The following CTNNA2 variants were observed in gnomAD, a reference collection of about 807,000 sequenced individuals.
CTNNA2 encodes the protein catenin alpha 2.
Under a neutral mutation model 101.0 loss-of-function variants are expected in CTNNA2, and 42 were observed. The observed-to-expected ratio is 0.42, with a 90% CI of 0.32 to 0.54. The LOEUF is 0.54. Among genes scored for constraint, CTNNA2 ranks in the 20% least tolerant of loss-of-function variants. The probability of loss-of-function intolerance (pLI) is 0.14; values close to 1 mark genes in which losing one functional copy is unlikely to be tolerated. For synonymous variants in CTNNA2, 450 were observed against 456.4 expected, an observed-to-expected ratio of 0.99 and a Z score of 0.18; for missense variants, 871 against 1,223.1, an observed-to-expected ratio of 0.71 and a Z score of 4.29.
At chr2:79,924,006 C>T (rs1686853150) in intron 7 of CTNNA2, among the ~76,000 whole-genome samples, 1 of 152,140 alleles carries the variant, frequency 6.6e-6, no homozygotes, top group Non-Finnish European at 1.5e-5. Context: ...GAAGGCATCT[C>T]TGCACTGCCA....
At chr2:80,583,734 G>A (rs6738107) in intron 14 of CTNNA2, among the ~76,000 whole-genome samples, 55,372 of 151,906 alleles carry the variant, frequency 0.36, 10,273 homozygotes, top group East Asian at 0.57. Flanking sequence ...ATATACTTCT[G>A]TTTCATTGGG....
chr2:79,785,915 A>G (rs952201944), intron 3 of CTNNA2, among the ~76,000 whole-genome samples: 3 of 152,186 alleles, frequency 2.0e-5, no homozygotes, highest in Non-Finnish European at 2.9e-5. Flanking sequence ...TATTGTTTGT[A>G]TGCTCTTCAC....
chr2:79,550,314 G>A (rs576239727), intron 1 of CTNNA2, among the ~76,000 whole-genome samples: 22 of 152,270 alleles, frequency 1.4e-4, no homozygotes, highest in African/African-American at 5.1e-4. Context: ...AGCAGTCACT[G>A]GATGCTGTGT....
intron 7 of CTNNA2, among the ~76,000 whole-genome samples, chr2:79,996,652 G>A (rs1447451968): frequency 6.6e-6 from 1 of 152,162 alleles, no homozygotes; most frequent in Admixed American, 6.5e-5. Context: ...CACTTAGCCA[G>A]AATTGAGCCC....
At chr2:79,443,329 C>T (rs932294771) in intron 4 of CTNNA2, among the ~76,000 whole-genome samples, 1 of 152,084 alleles carries the variant, frequency 6.6e-6, no homozygotes, top group African/African-American at 2.4e-5. Flanking sequence ...ACCAGCAGAA[C>T]TGATGTCCAA....
intron 3 of CTNNA2, among the ~76,000 whole-genome samples, chr2:79,355,627 C>T (rs1034815621): frequency 5.3e-5 from 8 of 152,188 alleles, no homozygotes; most frequent in African/African-American, 1.9e-4. Flanking sequence ...CTCTTGGTAT[C>T]CTCTAATCTG....
chr2:80,322,554 G>C (rs1019696418), intron 7 of CTNNA2, among the ~76,000 whole-genome samples: 2 of 151,560 alleles, frequency 1.3e-5, no homozygotes, highest in East Asian at 3.9e-4. Flanking sequence ...TTGCAGCTCC[G>C]GGACGGCGCG....
chr2:80,542,702 T>C (rs1298362447), intron 9 of CTNNA2, among the ~76,000 whole-genome samples: 1 of 152,114 alleles, frequency 6.6e-6, no homozygotes, highest in Non-Finnish European at 1.5e-5. Flanking sequence ...CTCAAGTCTT[T>C]TGCACAGCAA....
intron 7 of CTNNA2, among the ~76,000 whole-genome samples, chr2:80,376,771 C>G (rs1001433628): frequency 6.6e-6 from 1 of 152,200 alleles, no homozygotes; most frequent in Non-Finnish European, 1.5e-5. Context: ...CCTGCTGCAT[C>G]TGGCTTTCTA....
intron 7 of CTNNA2, among the ~76,000 whole-genome samples, chr2:79,975,711 C>T (rs1276957724): frequency 6.6e-6 from 1 of 152,186 alleles, no homozygotes; most frequent in Non-Finnish European, 1.5e-5. Flanking sequence ...AAGGATATTA[C>T]AAAAGATACA....
intron 2 of CTNNA2, among the ~76,000 whole-genome samples, chr2:79,701,515 G>A (rs1179134043): frequency 6.6e-6 from 1 of 152,106 alleles, no homozygotes; most frequent in Non-Finnish European, 1.5e-5. Context: ...CTAGACACAG[G>A]AGATCTACTG....
chr2:80,338,422 A>G, intron 7 of CTNNA2, among the ~76,000 whole-genome samples: 1 of 151,882 alleles, frequency 6.6e-6, no homozygotes, highest in Non-Finnish European at 1.5e-5. Context: ...AAAACAGAAC[A>G]TTTCAGTAAC....
intron 3 of CTNNA2, among the ~76,000 whole-genome samples, chr2:79,801,481 A>T (rs1244763762): frequency 6.6e-6 from 1 of 152,194 alleles, no homozygotes; most frequent in Admixed American, 6.5e-5. Flanking sequence ...AAATGAAGGC[A>T]CTAGGGCTAA....
At chr2:80,338,425 T>C (rs1671949524) in intron 7 of CTNNA2, among the ~76,000 whole-genome samples, 1 of 152,108 alleles carries the variant, frequency 6.6e-6, no homozygotes, top group South Asian at 2.1e-4. Context: ...ACAGAACATT[T>C]CAGTAACAGC....
At chr2:80,554,040 A>G (rs1479115007) in intron 11 of CTNNA2, among the ~76,000 whole-genome samples, 2 of 152,238 alleles carry the variant, frequency 1.3e-5, no homozygotes, top group African/African-American at 2.4e-5. Context: ...TGGAGAATGT[A>G]GAAATCAGCA....
At chr2:79,574,047 T>G (rs1334883301) in intron 1 of CTNNA2, 2 of 157,696 alleles carry the variant, frequency 1.3e-5, no homozygotes, top group African/African-American at 4.8e-5. Context: ...TTCTGTAAAG[T>G]GATTCAGTCA....
chr2:80,601,900 G>A (rs1697577877), intron 15 of CTNNA2: 1 of 151,850 alleles, frequency 6.6e-6, no homozygotes, highest in African/African-American at 2.4e-5. Context: ...GTTTTTCTCT[G>A]AGCACGTTAC....
chr2:79,723,176 T>TTCG (rs1686598172), intron 2 of CTNNA2, among the ~76,000 whole-genome samples: 1 of 40,808 alleles, frequency 2.5e-5, no homozygotes. Context: ...ACCTGCGTAG[T>TTCG]TCATCTCACT....
At chr2:79,933,013 T>A (rs188395490) in intron 7 of CTNNA2, among the ~76,000 whole-genome samples, 1 of 152,356 alleles carries the variant, frequency 6.6e-6, no homozygotes, top group African/African-American at 2.4e-5. Context: ...GTCAGCTCTC[T>A]GTTGTCAATA....
Sources: gnomAD v4.1 joint callset for allele counts (sites outside exome capture counted in the v4.1 genomes callset) on GRCh38, gnomAD v4.1.1 for gene constraint, MANE v1.5 for transcripts, NCBI Gene and HGNC (gene_info 2026-07-23, HGNC 2026-07-21) for gene names.